Variants in SLC22A14 observed in about 807,000 individuals in gnomAD.
SLC22A14 encodes the protein organic cation transporter-like 4.
In SLC22A14, 50 loss-of-function variants were observed where a neutral mutation model predicts 53.9. The ratio of observed to expected loss-of-function variants is 0.93; its 90% confidence interval spans 0.74 to 1.17. SLC22A14 has a LOEUF of 1.17. SLC22A14 is among the 50% of genes most tolerant of loss of function. The probability of loss-of-function intolerance (pLI) is 0.00; values close to 1 mark genes in which losing one functional copy is unlikely to be tolerated. For synonymous variants in SLC22A14, 312 were observed against 303.0 expected, an observed-to-expected ratio of 1.03 and a Z score of -0.31; for missense variants, 671 against 734.7, an observed-to-expected ratio of 0.91 and a Z score of 1.00.
At position 38,306,252 on chromosome 3, in the gene SLC22A14, C is replaced by T; in HGVS notation, c.226C>T (p.Pro76Ser). The stretch of plus-strand genomic sequence containing the variant: ...GAGGCTAGTAGCCCTCACCTTTATC[C>T]CCAGCATCATGTCGGCCTTCTTCAT... ...QQRLVALTFI[P>S]SIMSAFFMFA... The change falls in exon 2 of 11, where the codon CCC (proline) becomes TCC (serine). Residue 76 changes from proline (P) to serine (S), a missense_variant. Transcript: ENST00000448498. 3 of 1,614,160 alleles carry T rather than the reference C, an allele frequency of 1.9e-6. No individual in the cohort carries two copies. The highest frequency in any genetic ancestry group is 1.1e-5 in the South Asian group (1 of 91,076).
At chr3:38,315,051 C>T (rs1704582030) in intron 8 of SLC22A14, among the ~76,000 whole-genome samples, 1 of 152,234 alleles carries the variant, frequency 6.6e-6, no homozygotes, top group Non-Finnish European at 1.5e-5. Flanking sequence ...CCAGTTTCCC[C>T]TTCATTGTGC....
intron 1 of SLC22A14, among the ~76,000 whole-genome samples, chr3:38,298,646 C>G (rs1575410324): frequency 6.6e-6 from 1 of 152,104 alleles, no homozygotes; most frequent in East Asian, 1.9e-4. Flanking sequence ...ACCTCTGCCT[C>G]CTGGGTTCAA....
chr3:38,301,656 G>T (rs1456286484), intron 1 of SLC22A14, among the ~76,000 whole-genome samples: 1 of 151,428 alleles, frequency 6.6e-6, no homozygotes. Flanking sequence ...CACTGGCTAG[G>T]GCCACCAGTA....
At chr3:38,278,893 T>G (rs991127785), upstream of SLC22A14, among the ~76,000 whole-genome samples, 2 of 150,674 alleles carry the variant, frequency 1.3e-5, no homozygotes, top group East Asian at 3.9e-4. Context: ...CGGACTGCCT[T>G]CCTCAGCACC....
At chr3:38,300,381 A>G (rs1704133778) in intron 1 of SLC22A14, among the ~76,000 whole-genome samples, 1 of 152,144 alleles carries the variant, frequency 6.6e-6, no homozygotes, top group Non-Finnish European at 1.5e-5. Context: ...CGGAAGTTGA[A>G]GTGAGCCAAG....
chr3:38,307,600 C>T lies in SLC22A14; in HGVS notation c.655C>T (p.Leu219=), dbSNP rs139716522. 3.3e-5 allele frequency: 53 copies of T among 1,614,110 alleles called. No individual in the cohort carries two copies. The highest frequency in any genetic ancestry group is 4.5e-5 in the Non-Finnish European group (53 of 1,180,040). Residue 219 remains leucine, a synonymous_variant, in exon 4 of 11, where the codon CTG becomes TTG. Transcript: ENST00000448498. This position sits in a 1 kb window ranked among gnomAD's most constrained non-coding sequence, Gnocchi z 4.4. ...GRYPAILLSL[L]GLIIFGFGTA... ...CTACCCTGCCATCCTGCTGTCACTG[C>T]TGGGGCTGATCATCTTCGGCTTTGG...
chr3:38,318,168 C>T (rs748733635), intron 10 of SLC22A14, 30 bp from the exon 11 acceptor site: 4 of 1,606,078 alleles, frequency 2.5e-6, no homozygotes, highest in Non-Finnish European at 3.4e-6. Flanking sequence ...AAGATGTGGC[C>T]CTGGACTCAT....
At chr3:38,299,754 G>T (rs1045346124) in intron 1 of SLC22A14, among the ~76,000 whole-genome samples, 9 of 152,090 alleles carry the variant, frequency 5.9e-5, no homozygotes, top group African/African-American at 2.2e-4. Flanking sequence ...GTAGAGATGG[G>T]TCTTATTTTG....
rs758272889 is a variant in SLC22A14 at position 38,313,738 on chromosome 3, G to A, written c.1175G>A (p.Ser392Asn). The A allele has an allele frequency of 6.3e-7, 1 of 1,580,404 alleles. No homozygotes were observed. Among genetic ancestry groups the A allele is most frequent in the Non-Finnish European group, 8.6e-7 (1 of 1,162,364 alleles). Residue 392 changes from serine to asparagine, a missense_variant, in exon 8 of 11, where the codon AGT becomes AAT. Coordinates refer to ENST00000448498, the MANE Select transcript of SLC22A14 (RefSeq NM_001320033.2). The part of the protein sequence containing the change: ...LVMSCVWFTV[S>N]YTYFTLSLRM... Reference sequence around the variant, plus strand: ...CTGGCTTCATCCAGGTTTACCGTCAGTTACACCTATTTTACGTTGAGCCTG... The same window carrying A: ...CTGGCTTCATCCAGGTTTACCGTCAATTACACCTATTTTACGTTGAGCCTG...
intron 1 of SLC22A14, among the ~76,000 whole-genome samples, chr3:38,284,195 C>T (rs1322928334): frequency 6.6e-6 from 1 of 152,156 alleles, no homozygotes; most frequent in East Asian, 1.9e-4. Context: ...AAAGGGGACT[C>T]CTCCTCAAGC....
upstream of SLC22A14, among the ~76,000 whole-genome samples, chr3:38,281,905 G>C (rs1186488986): frequency 6.6e-6 from 1 of 152,196 alleles, no homozygotes; most frequent in Non-Finnish European, 1.5e-5. Context: ...TCTAGCTTAT[G>C]GGGGAGATGG....
intron 1 of SLC22A14, among the ~76,000 whole-genome samples, chr3:38,285,486 T>C (rs1401350215): frequency 6.6e-6 from 1 of 152,248 alleles, no homozygotes; most frequent in Non-Finnish European, 1.5e-5. Context: ...TATAGTTTTA[T>C]TGCATGACAT....
intron 8 of SLC22A14, 133 bp downstream of exon 8, chr3:38,314,074 C>A (rs955697406): frequency 1.0e-5 from 7 of 669,718 alleles, no homozygotes; most frequent in African/African-American, 7.2e-5. Flanking sequence ...GCCCACCCAC[C>A]CCACAGAGGC....
chr3:38,279,634 G>T (rs1344693837), upstream of SLC22A14, among the ~76,000 whole-genome samples: 1 of 147,332 alleles, frequency 6.8e-6, no homozygotes, highest in Middle Eastern at 3.3e-3. Flanking sequence ...TGGGGAGAAA[G>T]ATTTTTTTTT....
Position 38,316,466 on chromosome 3 carries a change from CT to C in SLC22A14, c.1676del (p.Leu559ArgfsTer13). On this transcript the variant is annotated frameshift_variant, in exon 10 of 11. Transcript: ENST00000448498. LOFTEE classifies it high-confidence loss of function. ...AIVAFSLSSL[L>X]PETRDQPLSE... Reference sequence around the variant, plus strand: ...CGTGGCCTTTTCCCTCTCCTCCCTGCTGCCGGAAACGCGAGATCAGCCCCTC... The same window carrying C: ...CGTGGCCTTTTCCCTCTCCTCCCTGCGCCGGAAACGCGAGATCAGCCCCTC... The C allele has an allele frequency of 6.2e-7, 1 of 1,614,104 alleles. No homozygotes were observed. The highest frequency in any genetic ancestry group is 8.5e-7 in the Non-Finnish European group (1 of 1,179,968).
intron 1 of SLC22A14, among the ~76,000 whole-genome samples, chr3:38,298,423 C>CATCTATCTATCTATCT (rs60379934): frequency 3.4e-5 from 5 of 146,380 alleles, no homozygotes; most frequent in Non-Finnish European, 4.5e-5. Context: ...CTTGCACACA[C>CATCTATCTATCTATCT]ATCTATCTAT....
At chr3:38,305,732 T>G in intron 1 of SLC22A14, 2 of 370,132 alleles carry the variant, frequency 5.4e-6, no homozygotes, top group South Asian at 5.2e-5. Flanking sequence ...AAGCTTGAGT[T>G]GTGGGGAAGT....
At chr3:38,318,093 C>T (rs1704670442) in intron 10 of SLC22A14, 105 bp from the exon 11 acceptor site, 1 of 1,031,434 alleles carries the variant, frequency 9.7e-7, no homozygotes, top group Non-Finnish European at 1.5e-6. Flanking sequence ...GAAAGCCTCA[C>T]CTCTTGGGAA....
In SLC22A14 at chr3:38,306,152, G is replaced by C. The variant is rs1297860268; in HGVS notation, c.126G>C (p.Arg42Ser). 6.2e-7 allele frequency: 1 copy of C among 1,614,162 alleles called. No homozygotes were observed. Among genetic ancestry groups the C allele is most frequent in the East Asian group, 2.2e-5 (1 of 44,882 alleles). The change falls in exon 2 of 11, where the codon AGG becomes AGC. Residue 42 changes from arginine (R) to serine (S), a missense_variant. Transcript: ENST00000448498. ...WSLEMLLRRL[R>S]AVHTKQDDKF... ...TGGAGATGCTGTTACGCAGATTGAG[G>C]GCTGTCCACACCAAGCAGGATGACA...
Sources: allele counts gnomAD v4.1 joint callset (sites outside exome capture counted in the v4.1 genomes callset), GRCh38; gene constraint gnomAD v4.1.1; non-coding constraint Gnocchi (gnomAD v3.1); transcripts MANE v1.5; gene names NCBI Gene and HGNC (gene_info 2026-07-23, HGNC 2026-07-21).